PLCZ1: variants seen among roughly 807,000 people sequenced by gnomAD.
PLCZ1 encodes the protein phospholipase C zeta 1.
Under a neutral mutation model 76.8 loss-of-function variants are expected in PLCZ1, and 64 were observed. The observed-to-expected ratio is 0.83, with a 90% CI of 0.68 to 1.03. PLCZ1 has a LOEUF of 1.03. PLCZ1 is among the 50% of genes least tolerant of loss of function. The probability of loss-of-function intolerance (pLI) is 0.00; values close to 1 mark genes in which losing one functional copy is unlikely to be tolerated. For missense variants in PLCZ1, 751 were observed against 713.7 expected, an observed-to-expected ratio of 1.05 and a Z score of -0.60; for synonymous variants, 248 against 230.8, an observed-to-expected ratio of 1.07 and a Z score of -0.68.
intron 12 of PLCZ1, 87 bp downstream of exon 12, chr12:18,694,823 G>T: frequency 1.9e-6 from 2 of 1,064,814 alleles, no homozygotes; most frequent in Non-Finnish European, 2.7e-6. Flanking sequence ...AGAAATTGAA[G>T]CAAATCAGTG....
chr12:18,680,351 T>C (rs901787087), downstream of PLCZ1, among the ~76,000 whole-genome samples: 3 of 152,016 alleles, frequency 2.0e-5, no homozygotes, highest in African/African-American at 7.2e-5. Context: ...GGGACATGTT[T>C]TACATCCCTC....
the PLCZ1 span, among the ~76,000 whole-genome samples, chr12:18,654,107 A>G: frequency 1.3e-5 from 2 of 152,114 alleles, no homozygotes; most frequent in Admixed American, 6.6e-5. Flanking sequence ...TACTGCCTTA[A>G]AAGAAATATT....
the PLCZ1 span, among the ~76,000 whole-genome samples, chr12:18,662,719 G>A: frequency 6.6e-6 from 1 of 152,060 alleles, no homozygotes; most frequent in Non-Finnish European, 1.5e-5. Context: ...GAAAAATGAG[G>A]TCTAGTCTGT....
rs773905019 is a variant in PLCZ1, at chr12:18,737,392, C to T, written c.-21G>A. 12 of 1,613,692 alleles carry T rather than the reference C, an allele frequency of 7.4e-6. No homozygotes were observed. The highest frequency in any genetic ancestry group is 1.6e-4 in the Middle Eastern group (1 of 6,082). On this transcript the variant is annotated 5_prime_UTR_variant, in exon 2 of 15. Transcript: ENST00000266505. ...TCCATAGTTTCATGACCTGTAGAGC[C>T]GTTTCTCCTCACTTAGAAGTCTTTC... is the stretch of plus-strand genomic sequence containing the variant.
chr12:18,702,521 G>A (rs1004772409), intron 7 of PLCZ1, among the ~76,000 whole-genome samples: 1 of 152,046 alleles, frequency 6.6e-6, no homozygotes, highest in African/African-American at 2.4e-5. Context: ...AGCTTTGATT[G>A]TCCTTTCTCT....
rs553186896 is a variant in PLCZ1, at chr12:18,694,691, T to C, written c.1461+219A>G. 1.1e-4 allele frequency among the ~76,000 whole-genome samples: 17 copies of C among 152,254 alleles called. No individual in the cohort carries two copies. In the South Asian group the frequency reaches 3.5e-3, roughly 32 times the overall value. On this transcript the variant is annotated intron_variant, in intron 12 of 14. Coordinates refer to ENST00000266505, the MANE Select transcript of PLCZ1 (RefSeq NM_033123.4). ...AGAGGAGAAGGTTTTAGCCTCAATA[T>C]GTCAATTCACAGGCAGATAATCATT...
At chr12:18,729,431 C>T (rs1418717044) in intron 3 of PLCZ1, among the ~76,000 whole-genome samples, 1 of 152,060 alleles carries the variant, frequency 6.6e-6, no homozygotes, top group African/African-American at 2.4e-5. Context: ...TTCTGCATTC[C>T]TTTTTCTGCC....
chr12:18,679,287 T>G (rs2137011504), downstream of PLCZ1, among the ~76,000 whole-genome samples: 1 of 152,140 alleles, frequency 6.6e-6, no homozygotes, highest in South Asian at 2.1e-4. Context: ...CAGAAGTTCT[T>G]TTTAAAAAAA....
chr12:18,715,424 C>A (rs1410588984), intron 5 of PLCZ1, among the ~76,000 whole-genome samples: 1 of 150,172 alleles, frequency 6.7e-6, no homozygotes, highest in East Asian at 2.0e-4. Context: ...TTTTTAGAGA[C>A]AGAGTCTCGC....
the PLCZ1 span, among the ~76,000 whole-genome samples, chr12:18,665,854 G>A: frequency 1.4e-4 from 21 of 151,090 alleles, no homozygotes; most frequent in South Asian, 4.2e-3. Flanking sequence ...GGAATCACTT[G>A]AACCCAGTAG....
chr12:18,678,524 G>A (rs948562621), downstream of PLCZ1, among the ~76,000 whole-genome samples: 20 of 151,790 alleles, frequency 1.3e-4, no homozygotes, highest in African/African-American at 3.6e-4. Context: ...CATCCCTAAC[G>A]CCATTCACTG....
intron 10 of PLCZ1, among the ~76,000 whole-genome samples, chr12:18,698,884 T>C (rs953722248): frequency 1.3e-5 from 2 of 152,154 alleles, no homozygotes; most frequent in Non-Finnish European, 2.9e-5. Context: ...ATTCTAACTA[T>C]AGTTTTGTAT....
chr12:18,702,350 T>C (rs1489518176), intron 7 of PLCZ1, among the ~76,000 whole-genome samples: 1 of 152,182 alleles, frequency 6.6e-6, no homozygotes, highest in Non-Finnish European at 1.5e-5. Flanking sequence ...TTACCATCAG[T>C]GTCACTTGTT....
the PLCZ1 span, among the ~76,000 whole-genome samples, chr12:18,662,479 A>C: frequency 6.6e-6 from 1 of 152,120 alleles, no homozygotes; most frequent in Non-Finnish European, 1.5e-5. Context: ...CACACTTTGA[A>C]ATAAAAGAGC....
intron 12 of PLCZ1, chr12:18,693,008 A>G: frequency 7.1e-7 from 1 of 1,412,048 alleles, no homozygotes; most frequent in East Asian, 2.3e-5. Context: ...TGGAGGAAGA[A>G]TTCATTAGAA....
downstream of PLCZ1, among the ~76,000 whole-genome samples, chr12:18,679,058 T>C (rs1377571307): frequency 4.6e-5 from 7 of 152,132 alleles, no homozygotes; most frequent in African/African-American, 1.7e-4. Context: ...TAGTGTTAAG[T>C]TGCCTTTCTC....
intron 1 of PLCZ1, 160 bp downstream of exon 1, chr12:18,737,772 T>A: frequency 3.0e-6 from 1 of 337,260 alleles, no homozygotes; most frequent in Non-Finnish European, 5.6e-6. Context: ...CTCAAACCTT[T>A]CATCATAATA....
Position 18,723,575 on chromosome 12 carries a change from T to G in PLCZ1, c.136-33A>C, listed in dbSNP as rs193255131. On this transcript the variant is annotated intron_variant, in intron 3 of 14. Transcript: ENST00000266505. The stretch of plus-strand genomic sequence containing the variant: ...AAAAATGACTGGTGGGCTCACATTG[T>G]GAGTATAAAAAATACATAAAATGAA... The G allele has an allele frequency of 8.8e-5, 132 of 1,505,864 alleles. No individual in the cohort carries two copies. In the African/African-American group the frequency reaches 1.5e-3, roughly 17 times the overall value. The allele number at this position is 1,505,864 out of a possible 1,614,324, so 93.3% of individuals were successfully genotyped here. A position where few individuals can be genotyped will look rare whatever the true frequency, so the allele number is the denominator to read the frequency against.
rs942700176 is a variant in PLCZ1, at chr12:18,694,845, A to G, written c.1461+65T>C. The G allele has an allele frequency of 3.2e-6, 4 of 1,238,584 alleles. No homozygotes were observed. The African/African-American group carries it at 6.2e-5, about 19-fold the overall frequency. 76.7% of individuals were successfully genotyped at this position (1,238,584 alleles called of 1,614,324 possible). On this transcript the variant is annotated intron_variant, in intron 12 of 14. Coordinates refer to ENST00000266505, the MANE Select transcript of PLCZ1 (RefSeq NM_033123.4). ...GAAGCAAATCAGTGGAATTCAAAATACTAATGTACACTATCTAGTTTATAT... is the reference window on the plus strand; with the variant it reads ...GAAGCAAATCAGTGGAATTCAAAATGCTAATGTACACTATCTAGTTTATAT...
Sources: allele counts gnomAD v4.1 joint callset (sites outside exome capture counted in the v4.1 genomes callset), GRCh38; gene constraint gnomAD v4.1.1; transcripts MANE v1.5; gene names NCBI Gene and HGNC (gene_info 2026-07-23, HGNC 2026-07-21).